MRPL13: variants seen among roughly 807,000 people sequenced by gnomAD.
MRPL13 encodes mitochondrial ribosomal protein L13, also known as large ribosomal subunit protein uL13m.
Under a neutral mutation model 29.0 loss-of-function variants are expected in MRPL13, and 33 were observed. That is an observed-to-expected ratio of 1.14 (90% CI 0.86 to 1.52). The LOEUF (loss-of-function observed/expected upper bound fraction) is 1.52, where lower values mean the gene tolerates loss of function less well. MRPL13 is among the 40% of genes most tolerant of loss of function. The pLI is 0.00. For missense variants in MRPL13, 227 were observed against 216.7 expected (o/e 1.05, Z -0.30); for synonymous variants, 77 against 68.4 (o/e 1.13, Z -0.62).
intron 1 of MRPL13, among the ~76,000 whole-genome samples, chr8:120,444,477 T>C (rs1342673513): frequency 6.6e-6 from 1 of 152,206 alleles, no homozygotes; most frequent in Non-Finnish European, 1.5e-5. Context: ...ATACTCAATA[T>C]TCAGGAAGTC....
intron 6 of MRPL13, among the ~76,000 whole-genome samples, chr8:120,402,487 T>C (rs1812609745): frequency 1.3e-5 from 2 of 152,154 alleles, no homozygotes; most frequent in South Asian, 2.1e-4. Flanking sequence ...TTACACCTAA[T>C]ACAAAATTTA....
chr8:120,421,879 T>C (rs1812878120), intron 4 of MRPL13, among the ~76,000 whole-genome samples: 1 of 151,792 alleles, frequency 6.6e-6, no homozygotes, highest in Non-Finnish European at 1.5e-5. Flanking sequence ...TATGAAGTAT[T>C]AAAAGTATAA....
At chr8:120,404,645 G>T (rs560103001) in intron 6 of MRPL13, among the ~76,000 whole-genome samples, 40 of 152,252 alleles carry the variant, frequency 2.6e-4, no homozygotes, top group Non-Finnish European at 5.0e-4. Context: ...CATGCTGAGT[G>T]CTCATTAGAT....
intron 6 of MRPL13, among the ~76,000 whole-genome samples, chr8:120,397,431 C>A (rs1812537495): frequency 6.6e-6 from 1 of 152,172 alleles, no homozygotes; most frequent in South Asian, 2.1e-4. Flanking sequence ...GGAAATCCAG[C>A]CAACCAGTGC....
chr8:120,417,078 C>T (rs921978757), intron 5 of MRPL13, among the ~76,000 whole-genome samples: 2 of 152,138 alleles, frequency 1.3e-5, no homozygotes, highest in Non-Finnish European at 2.9e-5. Context: ...AGAGTCCAGG[C>T]CAGTTATGTT....
chr8:120,407,834 T>C (rs1812693798), intron 6 of MRPL13, among the ~76,000 whole-genome samples: 1 of 152,244 alleles, frequency 6.6e-6, no homozygotes, highest in Admixed American at 6.5e-5. Context: ...ATAGGTTTTA[T>C]GTCTTTTCAC....
intron 2 of MRPL13, among the ~76,000 whole-genome samples, chr8:120,439,559 T>C (rs1586929102): frequency 2.0e-5 from 3 of 152,364 alleles, no homozygotes; most frequent in East Asian, 1.9e-4. Flanking sequence ...ACTAATCCAG[T>C]GTTCACAGGA....
Position 120,396,034 on chromosome 8 carries a change from G to A in MRPL13, c.*70C>T, listed in dbSNP as rs1812518892. 34 of 1,316,184 alleles carry A rather than the reference G, an allele frequency of 2.6e-5. No individual in the cohort carries two copies. In the South Asian group the frequency reaches 4.0e-4, roughly 15 times the overall value. 81.5% of individuals were successfully genotyped at this position (1,316,184 alleles called of 1,614,324 possible). A position where few individuals can be genotyped will look rare whatever the true frequency, so the allele number is the denominator to read the frequency against. Reference sequence around the variant, plus strand: ...TGTAGCAGTTGTTTTACTCCATCCTGTAGGTTAGAGAAACTCATCAGAAGA... The same window carrying A: ...TGTAGCAGTTGTTTTACTCCATCCTATAGGTTAGAGAAACTCATCAGAAGA... On this transcript the variant is annotated 3_prime_UTR_variant, in exon 7 of 7. Coordinates refer to ENST00000306185, the MANE Select transcript of MRPL13 (RefSeq NM_014078.6).
intron 3 of MRPL13, among the ~76,000 whole-genome samples, chr8:120,431,379 T>C (rs537117055): frequency 2.6e-5 from 4 of 152,260 alleles, no homozygotes; most frequent in African/African-American, 4.8e-5. Flanking sequence ...AAATTTAACA[T>C]GGAGTAAACT....
intron 3 of MRPL13, among the ~76,000 whole-genome samples, chr8:120,425,760 T>C (rs145087383): frequency 2.0e-5 from 3 of 152,262 alleles, no homozygotes; most frequent in Non-Finnish European, 2.9e-5. Flanking sequence ...GGGGAAAATG[T>C]TGGTAGTCCA....
At chr8:120,439,784 T>C (rs2130486877) in intron 2 of MRPL13, among the ~76,000 whole-genome samples, 1 of 152,226 alleles carries the variant, frequency 6.6e-6, no homozygotes, top group Non-Finnish European at 1.5e-5. Context: ...TTTCATTAGG[T>C]AGAGAAAAAA....
chr8:120,429,981 G>A (rs545019265), intron 3 of MRPL13, among the ~76,000 whole-genome samples: 293 of 152,232 alleles, frequency 1.9e-3, no homozygotes, highest in African/African-American at 6.9e-3. Context: ...AAAATTACAC[G>A]CCGGGTGCAG....
chr8:120,438,256 T>C (rs923604706), intron 2 of MRPL13, among the ~76,000 whole-genome samples: 7 of 152,246 alleles, frequency 4.6e-5, no homozygotes, highest in Admixed American at 4.6e-4. Context: ...CCCAGCTACC[T>C]GGGAGGCTCA....
chr8:120,401,744 G>A (rs1378360653), intron 6 of MRPL13, among the ~76,000 whole-genome samples: 1 of 152,108 alleles, frequency 6.6e-6, no homozygotes, highest in Non-Finnish European at 1.5e-5. Context: ...CCTATATCTA[G>A]AAAATCCCAT....
At chr8:120,443,614 T>A (rs970927031) in intron 1 of MRPL13, among the ~76,000 whole-genome samples, 1 of 151,164 alleles carries the variant, frequency 6.6e-6, no homozygotes, top group African/African-American at 2.4e-5. Context: ...CTTTACGGTA[T>A]GACTTTTTTT....
intron 6 of MRPL13, among the ~76,000 whole-genome samples, chr8:120,398,684 G>A (rs762153479): frequency 2.6e-5 from 4 of 152,128 alleles, no homozygotes; most frequent in Non-Finnish European, 5.9e-5. Context: ...GGCTTCAGAA[G>A]GTGAGTAATA....
At chr8:120,431,403 T>C (rs935089975) in intron 3 of MRPL13, among the ~76,000 whole-genome samples, 6 of 152,160 alleles carry the variant, frequency 3.9e-5, no homozygotes. Context: ...GGTCTTGCAA[T>C]TGAATTAAAT....
At position 120,419,874 on chromosome 8, in the gene MRPL13, C is replaced by A; in HGVS notation, c.371G>T (p.Arg124Met). The change falls in exon 5 of 7, where the codon AGG becomes ATG. Residue 124 changes from arginine to methionine, a missense_variant. Physicochemically the swap from Arg to Met is moderately conservative, Grantham distance 91 (BLOSUM62 -1). Transcript: ENST00000306185. ...KNLHRRTMME[R>M]LHLFPDEYIP... ...TACCTCATCTGGAAAAAGATGCAACCTTTCCATCATTGTTCTTCTGTGAAG... is the reference window on the plus strand; with the variant it reads ...TACCTCATCTGGAAAAAGATGCAACATTTCCATCATTGTTCTTCTGTGAAG... 1.3e-6 allele frequency: 2 copies of A among 1,592,046 alleles called. No homozygotes were observed. The highest frequency in any genetic ancestry group is 2.3e-5 in the East Asian group (1 of 43,690).
At chr8:120,423,690 A>C (rs7825296) in intron 4 of MRPL13, among the ~76,000 whole-genome samples, 31,607 of 152,034 alleles carry the variant, frequency 0.21, 3,451 homozygotes, top group Middle Eastern at 0.27. Context: ...AGTTGTAGAC[A>C]AAAAAGGTGA....
Sources: allele counts gnomAD v4.1 joint callset (sites outside exome capture counted in the v4.1 genomes callset), GRCh38; gene constraint gnomAD v4.1.1; transcripts MANE v1.5; gene names NCBI Gene and HGNC (gene_info 2026-07-23, HGNC 2026-07-21).